NF2: variants seen among roughly 807,000 people sequenced by gnomAD.
The protein encoded by NF2 is merlin.
A neutral mutation model predicts 83.7 loss-of-function variants in NF2; 8 were observed. That is an observed-to-expected ratio of 0.10 (90% confidence interval 0.06 to 0.17). The LOEUF is 0.17. Among genes scored for constraint, NF2 ranks in the 10% least tolerant of loss-of-function variants. The pLI, the probability that NF2 is intolerant of heterozygous loss-of-function variation, is 1.00. For synonymous variants in NF2, 266 were observed against 269.6 expected, an observed-to-expected ratio of 0.99 and a Z score of 0.13; for missense variants, 533 against 744.4, an observed-to-expected ratio of 0.72 and a Z score of 3.31.
chr22:29,614,881 A>C (rs1039353935), intron 1 of NF2, among the ~76,000 whole-genome samples: 2 of 151,842 alleles, frequency 1.3e-5, no homozygotes, highest in Non-Finnish European at 2.9e-5. Flanking sequence ...AACCCTGTCT[A>C]TATTAAAAAT....
Position 29,694,855 on chromosome 22 carries a change from G to A in NF2, c.*53G>A, listed in dbSNP as rs751023311. 9 of 1,571,878 alleles carry A rather than the reference G, an allele frequency of 5.7e-6. No homozygotes were observed. Among genetic ancestry groups the A allele is most frequent in the East Asian group, 4.6e-5 (2 of 43,532 alleles). On this transcript the variant is annotated 3_prime_UTR_variant, in exon 16 of 16. Coordinates refer to ENST00000338641, the MANE Select transcript of NF2 (RefSeq NM_000268.4). The surrounding 1 kb of genome is among the most constrained non-coding windows in gnomAD (Gnocchi z 4.1). Reference sequence around the variant, plus strand: ...CCACTTCTCCTGCTACCGGGACCGCGGGATGGACCAGATATCAAGAGAGCC... The same window carrying A: ...CCACTTCTCCTGCTACCGGGACCGCAGGATGGACCAGATATCAAGAGAGCC...
chr22:29,617,584 A>G (rs1469716575), intron 1 of NF2, among the ~76,000 whole-genome samples: 4 of 152,158 alleles, frequency 2.6e-5, no homozygotes, highest in South Asian at 4.1e-4. Context: ...CCCAACCTCC[A>G]TGACCACATT....
At chr22:29,666,751 C>T (rs146091630) in intron 9 of NF2, among the ~76,000 whole-genome samples, 173 of 152,098 alleles carry the variant, frequency 1.1e-3, no homozygotes, top group African/African-American at 3.5e-3. Context: ...CTGAGGCAGG[C>T]GGATCACCTG....
intron 1 of NF2, among the ~76,000 whole-genome samples, chr22:29,632,957 G>C (rs184369124): frequency 6.6e-6 from 1 of 152,100 alleles, no homozygotes; most frequent in African/African-American, 2.4e-5. Context: ...TGGAAGTCCC[G>C]TCCACACCCC....
At position 29,668,318 on chromosome 22, in the gene NF2, C is replaced by A; in HGVS notation, c.886-15C>A. On this transcript the variant is annotated splice_polypyrimidine_tract_variant and intron_variant, in intron 9 of 15. Transcript: ENST00000338641. ...TTGTGGATATTAACCTTTTTGTCTG[C>A]TTCTGTGGCCACAGATTCTCCAGCT... The A allele has an allele frequency of 6.3e-7, 1 of 1,597,178 alleles. No homozygotes were observed.
intron 1 of NF2, among the ~76,000 whole-genome samples, chr22:29,610,691 G>A (rs2064930254): frequency 6.6e-6 from 1 of 150,550 alleles, no homozygotes; most frequent in Admixed American, 6.6e-5. Context: ...GCCCAGGCCT[G>A]TACCTACTAG....
At chr22:29,687,451 T>TA (rs936880028) in intron 15 of NF2, among the ~76,000 whole-genome samples, 3 of 151,964 alleles carry the variant, frequency 2.0e-5, no homozygotes, top group Admixed American at 6.6e-5. Context: ...GTAGAACAGT[T>TA]AAAAAAACAC....
intron 2 of NF2, among the ~76,000 whole-genome samples, chr22:29,637,804 G>A (rs929188137): frequency 2.0e-5 from 3 of 152,082 alleles, no homozygotes; most frequent in African/African-American, 7.2e-5. Flanking sequence ...TAAGTTCAAT[G>A]GTAATTCCCA....
intron 15 of NF2, chr22:29,683,485 C>G: frequency 8.5e-7 from 1 of 1,170,674 alleles, no homozygotes; most frequent in South Asian, 2.7e-5. Context: ...ACCTTTTATG[C>G]GTTGACAGCC....
chr22:29,637,027 A>G, intron 2 of NF2, 151 bp downstream of exon 2: 1 of 1,155,412 alleles, frequency 8.7e-7, no homozygotes, highest in Non-Finnish European at 1.3e-6. Context: ...AGCAGGACGT[A>G]GAGATGCTAC....
At chr22:29,660,801 T>G (rs1394641675) in intron 7 of NF2, among the ~76,000 whole-genome samples, 4 of 152,148 alleles carry the variant, frequency 2.6e-5, no homozygotes, top group Non-Finnish European at 5.9e-5. Context: ...ACTCCTGACC[T>G]CGTGAACCGC....
In NF2 at chr22:29,620,997, C is replaced by G. The variant is rs1224572136; in HGVS notation, c.115-15754C>G. Among the ~76,000 whole-genome samples the G allele has an allele frequency of 2.6e-5, 4 of 152,168 alleles. No homozygotes were observed. The East Asian group carries it at 5.8e-4, about 22-fold the overall frequency. On this transcript the variant is annotated intron_variant, in intron 1 of 15. Transcript: ENST00000338641. ...AGGCTCAGACAGGATACATAGCATG[C>G]TTAAAGGCTTAGTGCAGCCACTATC...
chr22:29,661,395 C>A (rs1043723746), intron 8 of NF2, 56 bp downstream of exon 8: 271 of 1,607,284 alleles, frequency 1.7e-4, no homozygotes, highest in Non-Finnish European at 2.1e-4. Context: ...GTCTGCCCCC[C>A]TCACTGGAGC....
intron 2 of NF2, among the ~76,000 whole-genome samples, chr22:29,637,733 G>A (rs574545697): frequency 3.3e-5 from 5 of 150,778 alleles, no homozygotes; most frequent in South Asian, 2.1e-4. Flanking sequence ...TTAAGTGTTC[G>A]AATTGTGTTC....
At chr22:29,657,849 G>T (rs2066358496) in intron 6 of NF2, among the ~76,000 whole-genome samples, 1 of 152,178 alleles carries the variant, frequency 6.6e-6, no homozygotes, top group South Asian at 2.1e-4. Context: ...ACCCAAATCT[G>T]TTTGAGGGTA....
intron 15 of NF2, among the ~76,000 whole-genome samples, chr22:29,693,448 T>C (rs1205697727): frequency 6.6e-6 from 1 of 152,228 alleles, no homozygotes; most frequent in Non-Finnish European, 1.5e-5. Context: ...ACACTAATGC[T>C]GTCTGTCTTC....
In NF2 at chr22:29,697,650, T is replaced by C. The variant is rs575028212; in HGVS notation, c.*2848T>C. 1.7e-3 allele frequency: 290 copies of C among 168,120 alleles called. No individual in the cohort carries two copies. Among genetic ancestry groups the C allele is most frequent in the African/African-American group, 6.8e-3 (276 of 40,622 alleles). 10.4% of individuals were successfully genotyped at this position (168,120 alleles called of 1,614,324 possible). On this transcript the variant is annotated 3_prime_UTR_variant, in exon 16 of 16. Coordinates refer to ENST00000338641, the MANE Select transcript of NF2 (RefSeq NM_000268.4). ...GGCGTGATCTCGGCTCACCGCAACC[T>C]CCGCCTCCCGGATTCAAGCAATTCT...
chr22:29,624,817 C>CT (rs1413877062), intron 1 of NF2, among the ~76,000 whole-genome samples: 2 of 127,956 alleles, frequency 1.6e-5, no homozygotes, highest in African/African-American at 6.2e-5. Context: ...TTCTTTCTTT[C>CT]TTTCTTTCTT....
At chr22:29,683,368 C>T (rs1601670776) in intron 15 of NF2, 1 of 1,362,874 alleles carries the variant, frequency 7.3e-7, no homozygotes, top group Non-Finnish European at 9.5e-7. Context: ...GGCTTCTTGT[C>T]CAGTCAGGTG....
Sources: allele counts gnomAD v4.1 joint callset (sites outside exome capture counted in the v4.1 genomes callset), GRCh38; gene constraint gnomAD v4.1.1; non-coding constraint Gnocchi (gnomAD v3.1); transcripts MANE v1.5; gene names NCBI Gene and HGNC (gene_info 2026-07-23, HGNC 2026-07-21).